Variants in MED23 observed in about 807,000 individuals in gnomAD.
The protein encoded by MED23 is mediator complex subunit 23.
In MED23, 105 loss-of-function variants were observed where a neutral mutation model predicts 163.9. That is an observed-to-expected ratio of 0.64 (90% CI 0.55 to 0.75). The LOEUF is 0.75. Ranked by LOEUF, MED23 falls within the 30% of genes least tolerant of loss-of-function variation. MED23 has a pLI of 0.00. For missense variants in MED23, 1,054 were observed against 1,649.0 expected, an observed-to-expected ratio of 0.64 and a Z score of 6.25; for synonymous variants, 561 against 565.6, an observed-to-expected ratio of 0.99 and a Z score of 0.12.
At chr6:131,592,907 C>A in intron 24 of MED23, 99 bp downstream of exon 24, 1 of 1,387,638 alleles carries the variant, frequency 7.2e-7, no homozygotes, top group Admixed American at 1.7e-5. Flanking sequence ...CAATGTGCAT[C>A]AGCCTTGCGG....
At chr6:131,618,358 T>A in intron 9 of MED23, 49 bp downstream of exon 9, 1 of 1,226,958 alleles carries the variant, frequency 8.2e-7, no homozygotes, top group Non-Finnish European at 1.2e-6. Context: ...ATAATCTAGG[T>A]TGAAGACTGT....
At position 131,596,592 on chromosome 6, in the gene MED23, CACTT is replaced by C; in HGVS notation, c.2700_2703del (p.Ser901ThrfsTer3). 1 of 1,614,162 alleles carries C rather than the reference CACTT, an allele frequency of 6.2e-7. No individual in the cohort carries two copies. Among genetic ancestry groups the C allele is most frequent in the Non-Finnish European group, 8.5e-7 (1 of 1,180,020 alleles). ...TCTGGGGAATTTTCCTTCACAAAGT[CACTT>C]ACTCGATTTCTAAAATCGTTTGGTT... On this transcript the variant is annotated frameshift_variant, in exon 21 of 29. Transcript: ENST00000368068. LOFTEE classifies it high-confidence loss of function.
chr6:131,606,340 T>C (rs947946232), intron 13 of MED23, 139 bp downstream of exon 13: 52 of 783,330 alleles, frequency 6.6e-5, no homozygotes, highest in Non-Finnish European at 1.0e-4. Flanking sequence ...TGCTATGACA[T>C]ATACATCAAG....
At chr6:131,615,439 A>G (rs1776606563) in intron 10 of MED23, 1 of 1,136,236 alleles carries the variant, frequency 8.8e-7, no homozygotes, top group Non-Finnish European at 1.3e-6. Flanking sequence ...GCCAGCCTCA[A>G]GGAACCCAGA....
At chr6:131,578,364 C>T (rs3850245) in intron 30 of MED23, among the ~76,000 whole-genome samples, 16,255 of 152,018 alleles carry the variant, frequency 0.11, 943 homozygotes, top group Middle Eastern at 0.19. Context: ...ATTTAATGGC[C>T]AATTAGTTCA....
Position 131,605,229 on chromosome 6 carries a change from A to G in MED23, c.1613+11T>C. On this transcript the variant is annotated intron_variant, in intron 14 of 28. Transcript: ENST00000368068. Reference sequence around the variant, plus strand: ...CCCTGACATGGAACCAAATTAATAAAAAGAACATACCTCATTTTGGCATGA... The same window carrying G: ...CCCTGACATGGAACCAAATTAATAAGAAGAACATACCTCATTTTGGCATGA... 1 of 1,613,270 alleles carries G rather than the reference A, an allele frequency of 6.2e-7. No homozygotes were observed. The highest frequency in any genetic ancestry group is 1.1e-5 in the South Asian group (1 of 91,062).
chr6:131,607,894 A>C, intron 12 of MED23, 34 bp downstream of exon 12: 1 of 1,609,232 alleles, frequency 6.2e-7, no homozygotes. Context: ...TTTACTCATC[A>C]TGTTGTTATG....
At chr6:131,606,007 T>C (rs911311633) in intron 13 of MED23, among the ~76,000 whole-genome samples, 4 of 152,128 alleles carry the variant, frequency 2.6e-5, no homozygotes, top group Non-Finnish European at 5.9e-5. Flanking sequence ...AATACAATAC[T>C]ATCTAAGAAT....
At chr6:131,584,075 G>A (rs1437727554), downstream of MED23, 3 of 782,950 alleles carry the variant, frequency 3.8e-6, no homozygotes, top group Non-Finnish European at 5.9e-6. Flanking sequence ...TCAAGATGTG[G>A]AAATTCTAAC....
intron 17 of MED23, among the ~76,000 whole-genome samples, chr6:131,600,985 GAA>G (rs778030606): frequency 4.0e-5 from 6 of 150,872 alleles, no homozygotes; most frequent in Non-Finnish European, 7.4e-5. Context: ...GTGTCTTGAG[GAA>G]AAACACTTGT....
At chr6:131,602,167 T>C (rs28498920) in intron 17 of MED23, 51 bp downstream of exon 17, 17 of 1,570,986 alleles carry the variant, frequency 1.1e-5, no homozygotes, top group Middle Eastern at 3.3e-4. Flanking sequence ...AGTAGAATCA[T>C]GGCACACTTT....
intron 30 of MED23, among the ~76,000 whole-genome samples, chr6:131,580,475 G>C (rs1295918501): frequency 6.6e-6 from 1 of 152,192 alleles, no homozygotes; most frequent in Non-Finnish European, 1.5e-5. Context: ...GCATTGTATA[G>C]TACTAGCTTG....
Position 131,605,232 on chromosome 6 carries a change from G to C in MED23, c.1613+8C>G. On this transcript the variant is annotated splice_region_variant and intron_variant, in intron 14 of 28. Coordinates refer to ENST00000368068, the MANE Select transcript of MED23 (RefSeq NM_004830.4). Reference sequence around the variant, plus strand: ...TGACATGGAACCAAATTAATAAAAAGAACATACCTCATTTTGGCATGAACT... The same window carrying C: ...TGACATGGAACCAAATTAATAAAAACAACATACCTCATTTTGGCATGAACT... The C allele has an allele frequency of 6.2e-7, 1 of 1,613,006 alleles. No homozygotes were observed.
In MED23 at chr6:131,587,183, A is replaced by G; in HGVS notation, c.*496T>C. On this transcript the variant is annotated 3_prime_UTR_variant, in exon 29 of 29. Transcript: ENST00000368068. ...ATATGAAGCCTTGTTTGCTCCTACA[A>G]TGCAACAAAATCTAGATTCCTTTTC... 1 of 1,134,410 alleles carries G rather than the reference A, an allele frequency of 8.8e-7. No individual in the cohort carries two copies. The highest frequency in any genetic ancestry group is 1.1e-6 in the Non-Finnish European group (1 of 910,432). The allele number at this position is 1,134,410 out of a possible 1,614,324, so 70.3% of individuals were successfully genotyped here. A position where few individuals can be genotyped will look rare whatever the true frequency, so the allele number is the denominator to read the frequency against.
chr6:131,596,460 T>A (rs761088346), intron 21 of MED23, 58 bp downstream of exon 21: 35 of 1,587,624 alleles, frequency 2.2e-5, no homozygotes, highest in Non-Finnish European at 2.9e-5. Flanking sequence ...AATCACTTCA[T>A]CAAATACTCA....
intron 7 of MED23, among the ~76,000 whole-genome samples, 169 bp downstream of exon 7, chr6:131,620,459 T>C (rs1017339718): frequency 6.6e-6 from 1 of 152,052 alleles, no homozygotes; most frequent in Non-Finnish European, 1.5e-5. Context: ...CTAATATGTG[T>C]GCGTGTGTTT....
At chr6:131,615,758 A>C (rs1188034908) in intron 10 of MED23, 149 bp downstream of exon 10, 1 of 689,428 alleles carries the variant, frequency 1.5e-6, no homozygotes, top group East Asian at 2.7e-5. Flanking sequence ...AATGATAGGA[A>C]TAATACATTG....
chr6:131,620,601 T>C (rs773392307), intron 7 of MED23, 27 bp downstream of exon 7: 1 of 1,549,614 alleles, frequency 6.5e-7, no homozygotes, highest in South Asian at 1.1e-5. Flanking sequence ...AAATTTTTAT[T>C]AAAAATTCAG....
In MED23 at chr6:131,598,898, C is replaced by CT; in HGVS notation, c.2221-138dup. 1 of 737,198 alleles carries CT rather than the reference C, an allele frequency of 1.4e-6. No homozygotes were observed. The highest frequency in any genetic ancestry group is 2.4e-6 in the Non-Finnish European group (1 of 425,180). The allele number at this position is 737,198 out of a possible 1,614,324, so 45.7% of individuals were successfully genotyped here. ...CCTTGAGCAACTCAGCAATTAAGGC[C>CT]TGAATTTCTGTGTCTGGAAAATACA... On this transcript the variant is annotated intron_variant, in intron 18 of 28. Transcript: ENST00000368068. This position sits in a 1 kb window ranked among gnomAD's most constrained non-coding sequence, Gnocchi z 4.7.
Sources: gnomAD v4.1 joint callset for allele counts (sites outside exome capture counted in the v4.1 genomes callset) on GRCh38, gnomAD v4.1.1 for gene constraint, Gnocchi (gnomAD v3.1) non-coding constraint, MANE v1.5 for transcripts, NCBI Gene and HGNC (gene_info 2026-07-23, HGNC 2026-07-21) for gene names.